The following SARDH variants were observed in gnomAD, a reference collection of about 807,000 sequenced individuals.
The protein encoded by SARDH is sarcosine dehydrogenase, mitochondrial.
Under a neutral mutation model 109.1 loss-of-function variants are expected in SARDH, and 95 were observed. That is an observed-to-expected ratio of 0.87 (90% confidence interval 0.74 to 1.03). The LOEUF is 1.03. SARDH is among the 50% of genes least tolerant of loss of function. The probability of loss-of-function intolerance (pLI) is 0.00; values close to 1 mark genes in which losing one functional copy is unlikely to be tolerated. For missense variants in SARDH, 1,267 were observed against 1,287.8 expected (o/e 0.98, Z 0.25); for synonymous variants, 572 against 534.8 (o/e 1.07, Z -0.96).
intron 2 of SARDH, among the ~76,000 whole-genome samples, chr9:133,732,883 C>T (rs1040321046): frequency 2.0e-5 from 3 of 152,236 alleles, no homozygotes; most frequent in Non-Finnish European, 4.4e-5. Context: ...CTAAGCCTGT[C>T]ATGCCCTATG....
At position 133,692,399 on chromosome 9, in the gene SARDH, CCT is replaced by C. The variant is rs1831131164; in HGVS notation, c.1921+1857_1921+1858del. On this transcript the variant is annotated intron_variant, in intron 15 of 20. Transcript: ENST00000439388. This position sits in a 1 kb window ranked among gnomAD's most constrained non-coding sequence, Gnocchi z 5.0. ...TGCCTAGCTCCTTACAGGCAACACT[CCT>C]CTCAGCTCAGAGATGCCATTTCAGC... Among the ~76,000 whole-genome samples, 2 of 152,142 alleles carry C rather than the reference CCT, an allele frequency of 1.3e-5. No homozygotes were observed. The highest frequency in any genetic ancestry group is 4.8e-5 in the African/African-American group (2 of 41,392).
chr9:133,703,204 G>A (rs1394227001), intron 12 of SARDH, 175 bp from the exon 13 acceptor site: 2 of 613,674 alleles, frequency 3.3e-6, no homozygotes. Context: ...ATGAGGTCCA[G>A]GCAAAACAGA....
chr9:133,731,323 A>C lies in SARDH; in HGVS notation c.672T>G (p.Ala224=), dbSNP rs1832672610. ...AGTCTTLARA[A]SARGAQVIEN... ...TCAGTACCTGTGCTCCTCGGGCAGA[A>C]GCTGCCCTGGCGAGGGTGGTACAGG... Residue 224 remains alanine (A), a synonymous_variant, in exon 4 of 21, where the codon GCT becomes GCG. Coordinates refer to ENST00000439388, the MANE Select transcript of SARDH (RefSeq NM_001134707.2). 2 of 1,614,042 alleles carry C rather than the reference A, an allele frequency of 1.2e-6. No homozygotes were observed. The highest frequency in any genetic ancestry group is 1.7e-6 in the Non-Finnish European group (2 of 1,180,006).
At chr9:133,730,996 T>A (rs548660939) in intron 4 of SARDH, among the ~76,000 whole-genome samples, 2 of 152,246 alleles carry the variant, frequency 1.3e-5, no homozygotes, top group South Asian at 4.2e-4. Context: ...AACAAAAAAA[T>A]TGTTCTACAA....
intron 6 of SARDH, among the ~76,000 whole-genome samples, chr9:133,726,039 T>C (rs1421814214): frequency 2.0e-5 from 3 of 152,224 alleles, no homozygotes; most frequent in African/African-American, 7.2e-5. Flanking sequence ...GGGATCGTTG[T>C]CAGGTGGCAC....
chr9:133,728,992 G>A lies in SARDH; in HGVS notation c.915+773C>T, dbSNP rs1368081428. ...GATGGAGGACGGAAGAATGGATGGC[G>A]AGATGGCAAGATGAATAGAGGGAGG... On this transcript the variant is annotated intron_variant, in intron 6 of 20. Transcript: ENST00000439388. This position sits in a 1 kb window ranked among gnomAD's most constrained non-coding sequence, Gnocchi z 5.0. Among the ~76,000 whole-genome samples, 3 of 151,276 alleles carry A rather than the reference G, an allele frequency of 2.0e-5. No individual in the cohort carries two copies. The highest frequency in any genetic ancestry group is 2.1e-4 in the South Asian group (1 of 4,734).
intron 17 of SARDH, among the ~76,000 whole-genome samples, chr9:133,674,524 C>CA (rs1830453099): frequency 6.6e-6 from 1 of 152,094 alleles, no homozygotes; most frequent in Admixed American, 6.5e-5. Context: ...AATTCCATGC[C>CA]AAAAAAGCCT....
rs748322248 is a variant in SARDH, at chr9:133,730,092, G to C, written c.786C>G (p.Ile262Met). Residue 262 changes from isoleucine to methionine, a missense_variant, in exon 5 of 21, where the codon ATC becomes ATG. Transcript: ENST00000439388. ...VAGVETQHGSIQTPCVVNCAG... is the reference protein window; with the variant it reads ...VAGVETQHGSMQTPCVVNCAG... The stretch of plus-strand genomic sequence containing the variant: ...CACAGTTGACCACGCAGGGTGTCTG[G>C]ATGGAACCATGCTGAGTCTCCACAC... 6.2e-7 allele frequency: 1 copy of C among 1,614,224 alleles called. No homozygotes were observed. Among genetic ancestry groups the C allele is most frequent in the Non-Finnish European group, 8.5e-7 (1 of 1,180,040 alleles).
Position 133,718,983 on chromosome 9 carries a change from G to A in SARDH, c.975C>T (p.Ala325=). ...ASVYLRLQGD[A]LSVGGYEANP... is the part of the protein sequence containing the mutation. ...TGGCCTCATAGCCACCCACAGACAA[G>A]GCATCCCCTTGGAGGCGGAGGTAGA... The change falls in exon 7 of 21, where the codon GCC becomes GCT. Residue 325 remains alanine, a synonymous_variant. Coordinates refer to ENST00000439388, the MANE Select transcript of SARDH (RefSeq NM_001134707.2). The surrounding 1 kb of genome is among the most constrained non-coding windows in gnomAD (Gnocchi z 4.2). 1.2e-6 allele frequency: 2 copies of A among 1,614,208 alleles called. No homozygotes were observed. Among genetic ancestry groups the A allele is most frequent in the Non-Finnish European group, 1.7e-6 (2 of 1,180,044 alleles).
rs1295983398 is a variant in SARDH, at chr9:133,689,061, T to C, written c.2069+1319A>G. ...AGGGAAAGCGGACCCCATGGCAGAG[T>C]CTGGGCACTCCAGCCAGAGGTCTCG... is the stretch of plus-strand genomic sequence containing the variant. On this transcript the variant is annotated intron_variant, in intron 16 of 20. Coordinates refer to ENST00000439388, the MANE Select transcript of SARDH (RefSeq NM_001134707.2). 2.6e-5 allele frequency among the ~76,000 whole-genome samples: 4 copies of C among 151,814 alleles called. No individual in the cohort carries two copies. The South Asian group carries it at 6.3e-4, about 24-fold the overall frequency.
At chr9:133,734,708 C>A (rs1832823549) in intron 1 of SARDH, among the ~76,000 whole-genome samples, 1 of 152,164 alleles carries the variant, frequency 6.6e-6, no homozygotes, top group Non-Finnish European at 1.5e-5. Flanking sequence ...TGAGGCCGGG[C>A]AGGGAGGATG....
chr9:133,687,566 C>G (rs1184504861), intron 16 of SARDH, among the ~76,000 whole-genome samples: 1 of 152,148 alleles, frequency 6.6e-6, no homozygotes, highest in Non-Finnish European at 1.5e-5. Flanking sequence ...CAGGCATGAG[C>G]CACCGAGCCC....
rs568774384 is a variant in SARDH, at chr9:133,712,014, G to A, written c.1328+605C>T. On this transcript the variant is annotated intron_variant, in intron 10 of 20. Coordinates refer to ENST00000439388, the MANE Select transcript of SARDH (RefSeq NM_001134707.2). The surrounding 1 kb of genome is among the most constrained non-coding windows in gnomAD (Gnocchi z 4.1). ...GCCATCGGGATAGGCTGCCGTCACCGGCTCTGGCCACCAGCACCCCAGTCC... is the reference window on the plus strand; with the variant it reads ...GCCATCGGGATAGGCTGCCGTCACCAGCTCTGGCCACCAGCACCCCAGTCC... Among the ~76,000 whole-genome samples the A allele has an allele frequency of 2.6e-4, 39 of 152,310 alleles. No individual in the cohort carries two copies. Among genetic ancestry groups the A allele is most frequent in the African/African-American group, 8.2e-4 (34 of 41,576 alleles).
At position 133,663,658 on chromosome 9, in the gene SARDH, G is replaced by T; in HGVS notation, c.*231C>A. 1 of 578,700 alleles carries T rather than the reference G, an allele frequency of 1.7e-6. No individual in the cohort carries two copies. Among genetic ancestry groups the T allele is most frequent in the South Asian group, 2.3e-5 (1 of 43,620 alleles). The allele number at this position is 578,700 out of a possible 1,614,324, so 35.8% of individuals were successfully genotyped here. A position where few individuals can be genotyped will look rare whatever the true frequency, so the allele number is the denominator to read the frequency against. Reference sequence around the variant, plus strand: ...CTGAGCCCAAGACACTTACAGGTTTGCTTTCTGGGAGGATTGGGGTGGATT... The same window carrying T: ...CTGAGCCCAAGACACTTACAGGTTTTCTTTCTGGGAGGATTGGGGTGGATT... On this transcript the variant is annotated 3_prime_UTR_variant, in exon 21 of 21. Transcript: ENST00000439388.
intron 19 of SARDH, among the ~76,000 whole-genome samples, chr9:133,669,761 C>T (rs376058277): frequency 1.1e-4 from 16 of 152,214 alleles, no homozygotes; most frequent in East Asian, 7.7e-4. Context: ...GTGGGGATGA[C>T]GGCCCCAGCC....
chr9:133,661,332 C>T (rs1271381839), downstream of SARDH, among the ~76,000 whole-genome samples: 3 of 151,122 alleles, frequency 2.0e-5, no homozygotes, highest in East Asian at 2.0e-4. Flanking sequence ...AGAGTAAAAC[C>T]CTGTCTCAAA....
intron 19 of SARDH, chr9:133,667,172 C>T: frequency 1.9e-6 from 1 of 527,580 alleles, no homozygotes; most frequent in Non-Finnish European, 3.3e-6. Context: ...TTCCGATTTC[C>T]TTCCATTGTT....
chr9:133,690,384 C>G lies in SARDH; in HGVS notation c.2065G>C (p.Ala689Pro). 2 of 1,609,866 alleles carry G rather than the reference C, an allele frequency of 1.2e-6. No homozygotes were observed. Among genetic ancestry groups the G allele is most frequent in the Non-Finnish European group, 1.7e-6 (2 of 1,177,614 alleles). The stretch of plus-strand genomic sequence containing the variant: ...GGGCTCCCAGTCCTCTCTCACCTGG[C>G]TGGGCCCTGGATACTGATCATACCC... Reference protein sequence around the residue: ...DLGMISIQGPASRAILQEVLD... With the variant: ...DLGMISIQGPPSRAILQEVLD... The change falls in exon 16 of 21, where the codon GCC (alanine) becomes CCC (proline). Residue 689 changes from alanine (A) to proline (P), a missense_variant. Transcript: ENST00000439388.
At chr9:133,670,933 G>GC (rs755551553) in intron 18 of SARDH, among the ~76,000 whole-genome samples, 181 bp from the exon 19 acceptor site, 56 of 152,154 alleles carry the variant, frequency 3.7e-4, no homozygotes, top group African/African-American at 8.2e-4. Flanking sequence ...TGGGGCGACC[G>GC]CTCCCCCGAG....
Sources: allele counts gnomAD v4.1 joint callset (sites outside exome capture counted in the v4.1 genomes callset), GRCh38; gene constraint gnomAD v4.1.1; non-coding constraint Gnocchi (gnomAD v3.1); transcripts MANE v1.5; gene names NCBI Gene and HGNC (gene_info 2026-07-23, HGNC 2026-07-21).